AEBP2: variants seen among roughly 807,000 people sequenced by gnomAD.
The protein encoded by AEBP2 is AE binding protein 2.
Under a neutral mutation model 50.8 loss-of-function variants are expected in AEBP2, and 10 were observed. The ratio of observed to expected loss-of-function variants is 0.20; its 90% confidence interval spans 0.12 to 0.33. AEBP2 has a LOEUF of 0.33. Among genes scored for constraint, AEBP2 ranks in the 10% least tolerant of loss-of-function variants. The probability of loss-of-function intolerance (pLI) is 1.00; values close to 1 mark genes in which losing one functional copy is unlikely to be tolerated. For missense variants in AEBP2, 570 were observed against 688.0 expected (o/e 0.83, Z 1.92); for synonymous variants, 296 against 261.3 (o/e 1.13, Z -1.28).
chr12:19,457,518 T>C, intron 1 of AEBP2: 1 of 1,484,766 alleles, frequency 6.7e-7, no homozygotes, highest in South Asian at 1.3e-5. Flanking sequence ...AGCAGCCTCC[T>C]TCTCAATTTT....
chr12:19,428,291 C>CT (rs2095749617), intron 1 of AEBP2, among the ~76,000 whole-genome samples: 1 of 152,154 alleles, frequency 6.6e-6, no homozygotes, highest in South Asian at 2.1e-4. Flanking sequence ...TACAAAATGT[C>CT]TGAGTTTTCA....
chr12:19,438,965 G>C (rs1433949899), upstream of AEBP2, among the ~76,000 whole-genome samples: 1 of 152,126 alleles, frequency 6.6e-6, no homozygotes, highest in Admixed American at 6.6e-5. Flanking sequence ...ACAGCTTTAC[G>C]AAATTGTTTT....
chr12:19,451,880 C>G (rs529901366), intron 1 of AEBP2, among the ~76,000 whole-genome samples: 1 of 152,006 alleles, frequency 6.6e-6, no homozygotes, highest in South Asian at 2.1e-4. Flanking sequence ...AAGTGGCCAT[C>G]TTTTGTTTTA....
chr12:19,499,434 G>A (rs1327302783), intron 4 of AEBP2, among the ~76,000 whole-genome samples: 1 of 152,088 alleles, frequency 6.6e-6, no homozygotes, highest in African/African-American at 2.4e-5. Context: ...CCAACATGGT[G>A]AAACCCCAGC....
chr12:19,504,380 G>GCGCCC (rs368438480), intron 5 of AEBP2, among the ~76,000 whole-genome samples: 1 of 149,360 alleles, frequency 6.7e-6, no homozygotes, highest in African/African-American at 2.5e-5. Context: ...GAATACAGGC[G>GCGCCC]CCCCCCCCAC....
In AEBP2 at chr12:19,429,530, C is replaced by G. The variant is rs568557260; in HGVS notation, c.-17+25314C>G. Reference sequence around the variant, plus strand: ...GCTGGGTCAAATGGTATTTCTAGTTCTAGATCCCTGAGGAATCGCCACACT... The same window carrying G: ...GCTGGGTCAAATGGTATTTCTAGTTGTAGATCCCTGAGGAATCGCCACACT... On this transcript the variant is annotated intron_variant, in intron 1 of 3. Transcript: ENST00000538425. Among the ~76,000 whole-genome samples, 3 of 152,306 alleles carry G rather than the reference C, an allele frequency of 2.0e-5. No individual in the cohort carries two copies. The East Asian group carries it at 5.8e-4, about 29-fold the overall frequency.
Position 19,420,755 on chromosome 12 carries a change from C to A in AEBP2, c.-17+16539C>A, listed in dbSNP as rs187718498. 2.2e-3 allele frequency among the ~76,000 whole-genome samples: 337 copies of A among 152,204 alleles called. 1 individual carries two copies. The highest frequency in any genetic ancestry group is 4.0e-3 in the Non-Finnish European group (274 of 68,018). On this transcript the variant is annotated intron_variant, in intron 1 of 3. Coordinates refer to the AEBP2 transcript ENST00000538425. ...GCTTACACCTTTAACTGTTTTGGTT[C>A]TTTGCCCTCTTGATTGACCTTCCTG... is the stretch of plus-strand genomic sequence containing the variant.
chr12:19,419,258 G>A (rs71436808), intron 1 of AEBP2: 13,778 of 152,568 alleles, frequency 0.09, 709 homozygotes, highest in Middle Eastern at 0.14. Flanking sequence ...TCCCAGCGCC[G>A]CCGCTTCCAC....
At chr12:19,485,880 GT>G (rs1365112038) in intron 3 of AEBP2, among the ~76,000 whole-genome samples, 1 of 150,392 alleles carries the variant, frequency 6.6e-6, no homozygotes, top group Non-Finnish European at 1.5e-5. Context: ...GGAAAGGATA[GT>G]AGAAGATGAG....
rs1947920110 is a variant in AEBP2, at chr12:19,440,036, A to C, written c.337A>C (p.Ser113Arg). The change falls in exon 1 of 8, where the codon AGC (serine) becomes CGC (arginine). Residue 113 changes from serine to arginine, a missense_variant. Physicochemically the swap from Ser to Arg is moderately radical, Grantham distance 110. Transcript: ENST00000266508. ...DEEEEDESSSSGGGEEESSAE... is the reference protein window; with the variant it reads ...DEEEEDESSSRGGGEEESSAE... ...GGAGGAGGAAGATGAGAGCAGCAGC[A>C]GCGGCGGGGGTGAGGAGGAGAGTAG... is the stretch of plus-strand genomic sequence containing the variant. 4 of 1,522,884 alleles carry C rather than the reference A, an allele frequency of 2.6e-6. No individual in the cohort carries two copies. The African/African-American group carries it at 5.7e-5, about 22-fold the overall frequency. The allele number at this position is 1,522,884 out of a possible 1,614,324, so 94.3% of individuals were successfully genotyped here.
At chr12:19,414,312 T>C (rs1049246528) in intron 1 of AEBP2, among the ~76,000 whole-genome samples, 3 of 152,182 alleles carry the variant, frequency 2.0e-5, no homozygotes, top group Admixed American at 2.0e-4. Context: ...CCAGCTCCTA[T>C]TCAAGATGGA....
upstream of AEBP2, among the ~76,000 whole-genome samples, chr12:19,435,016 A>G (rs2095753452): frequency 6.6e-6 from 1 of 151,860 alleles, no homozygotes; most frequent in Non-Finnish European, 1.5e-5. Flanking sequence ...TAAATCCTTC[A>G]CTGGAACTTT....
intron 3 of AEBP2, among the ~76,000 whole-genome samples, chr12:19,475,511 G>GGCA (rs1948635758): frequency 6.6e-6 from 1 of 151,764 alleles, no homozygotes; most frequent in Non-Finnish European, 1.5e-5. Context: ...TTGATTGAAG[G>GGCA]GCACACTTGT....
intron 2 of AEBP2, among the ~76,000 whole-genome samples, chr12:19,470,362 G>A (rs1592745258): frequency 6.6e-6 from 1 of 152,170 alleles, no homozygotes; most frequent in East Asian, 1.9e-4. Flanking sequence ...TCACCATGTT[G>A]GTCAGGCTGG....
intron 1 of AEBP2, chr12:19,440,687 G>T (rs1947940085): frequency 6.5e-7 from 1 of 1,533,200 alleles, no homozygotes; most frequent in South Asian, 1.2e-5. Flanking sequence ...TCCTCTGGCG[G>T]AGCAGAAGAG....
At chr12:19,466,706 A>G (rs1056170738) in intron 2 of AEBP2, 1 of 752,632 alleles carries the variant, frequency 1.3e-6, no homozygotes, top group Non-Finnish European at 1.6e-6. Flanking sequence ...TTGTTGGCCT[A>G]ATTATTTTTT....
At chr12:19,415,634 T>G (rs1041562198) in intron 1 of AEBP2, among the ~76,000 whole-genome samples, 2 of 147,592 alleles carry the variant, frequency 1.4e-5, no homozygotes, top group Admixed American at 6.9e-5. Flanking sequence ...ATCCAGAGGT[T>G]TACAGAGATG....
Position 19,440,492 on chromosome 12 carries a change from C to G in AEBP2, c.671+122C>G, listed in dbSNP as rs992944704. 7 of 1,411,622 alleles carry G rather than the reference C, an allele frequency of 5.0e-6. No individual in the cohort carries two copies. In the African/African-American group the frequency reaches 1.0e-4, roughly 20 times the overall value. 87.4% of individuals were successfully genotyped at this position (1,411,622 alleles called of 1,614,324 possible). A position where few individuals can be genotyped will look rare whatever the true frequency, so the allele number is the denominator to read the frequency against. ...CTCCCCGAATCCTCGGCCCCTCCCC[C>G]AGACTCTCAACTCGGAAATCTCTCG... On this transcript the variant is annotated intron_variant, in intron 1 of 7. Transcript: ENST00000266508.
intron 6 of AEBP2, among the ~76,000 whole-genome samples, chr12:19,513,374 A>G (rs1449527861): frequency 6.6e-6 from 1 of 152,148 alleles, no homozygotes; most frequent in Non-Finnish European, 1.5e-5. Context: ...AAATGAGGGT[A>G]TATTATAGAC....
Sources: gnomAD v4.1 joint callset for allele counts (sites outside exome capture counted in the v4.1 genomes callset) on GRCh38, gnomAD v4.1.1 for gene constraint, MANE v1.5 for transcripts, NCBI Gene and HGNC (gene_info 2026-07-23, HGNC 2026-07-21) for gene names.